TMEM123: variants seen among roughly 807,000 people sequenced by gnomAD.
TMEM123 encodes porimin.
In TMEM123, 16 loss-of-function variants were observed where a neutral mutation model predicts 19.7. The observed-to-expected ratio is 0.81, with a 90% confidence interval of 0.55 to 1.23. The LOEUF is 1.23. Ranked by LOEUF, TMEM123 falls within the 50% of genes most tolerant of loss-of-function variation. The pLI is 0.00. For missense variants in TMEM123, 313 were observed against 257.8 expected, an observed-to-expected ratio of 1.21 and a Z score of -1.47; for synonymous variants, 118 against 99.4, an observed-to-expected ratio of 1.19 and a Z score of -1.12.
chr11:102,433,238 G>C (rs1388122936), intron 2 of TMEM123, among the ~76,000 whole-genome samples: 1 of 151,992 alleles, frequency 6.6e-6, no homozygotes, highest in African/African-American at 2.4e-5. Flanking sequence ...GCTAGTGACA[G>C]CATCTGGGAA....
At chr11:102,432,681 T>C (rs1182638774) in intron 2 of TMEM123, among the ~76,000 whole-genome samples, 1 of 152,106 alleles carries the variant, frequency 6.6e-6, no homozygotes, top group Non-Finnish European at 1.5e-5. Context: ...ATGGGGAAAA[T>C]GTCTCCAGGG....
At chr11:102,439,327 C>A (rs1427685772) in intron 2 of TMEM123, among the ~76,000 whole-genome samples, 1 of 151,810 alleles carries the variant, frequency 6.6e-6, no homozygotes, top group Non-Finnish European at 1.5e-5. Flanking sequence ...AGAAGCCTAA[C>A]TGGGAGACAC....
chr11:102,448,157 T>G, intron 2 of TMEM123: 2 of 448,140 alleles, frequency 4.5e-6, no homozygotes. Flanking sequence ...GTGTACCTTT[T>G]TCTAGTTTCC....
At chr11:102,402,997 G>C (rs1193266050) in intron 2 of TMEM123, among the ~76,000 whole-genome samples, 2 of 152,090 alleles carry the variant, frequency 1.3e-5, no homozygotes, top group African/African-American at 4.8e-5. Flanking sequence ...TACAGATCTT[G>C]TTAATGCTCC....
At chr11:102,416,607 T>A (rs1303544451) in intron 2 of TMEM123, among the ~76,000 whole-genome samples, 1 of 152,012 alleles carries the variant, frequency 6.6e-6, no homozygotes, top group African/African-American at 2.4e-5. Flanking sequence ...TATAAAATTA[T>A]TCCAAAAAAT....
chr11:102,412,489 T>G (rs188465761), intron 2 of TMEM123, among the ~76,000 whole-genome samples: 20 of 152,252 alleles, frequency 1.3e-4, no homozygotes, highest in Admixed American at 1.2e-3. Context: ...AGACTGGATT[T>G]AACTGTTTAT....
intron 4 of TMEM123, among the ~76,000 whole-genome samples, chr11:102,399,970 C>CA (rs11287064): frequency 6.8e-6 from 1 of 147,540 alleles, no homozygotes; most frequent in Non-Finnish European, 1.5e-5. Flanking sequence ...AACTCCATCT[C>CA]AAAAAAAAAA....
intron 2 of TMEM123, among the ~76,000 whole-genome samples, chr11:102,406,836 A>T (rs962462472): frequency 6.7e-6 from 1 of 149,250 alleles, no homozygotes; most frequent in East Asian, 2.0e-4. Context: ...GCGCCACTGC[A>T]CTCCAGCCTG....
intron 2 of TMEM123, among the ~76,000 whole-genome samples, chr11:102,443,705 T>G (rs1052472169): frequency 3.3e-5 from 5 of 152,126 alleles, no homozygotes; most frequent in African/African-American, 1.2e-4. Context: ...TGGGATCTAA[T>G]TAAACTGAAG....
chr11:102,435,732 T>C (rs979944882), intron 2 of TMEM123, among the ~76,000 whole-genome samples: 1 of 151,816 alleles, frequency 6.6e-6, no homozygotes, highest in Non-Finnish European at 1.5e-5. Context: ...ATAGCGTGAA[T>C]TGTGTGGCCA....
intron 2 of TMEM123, among the ~76,000 whole-genome samples, chr11:102,414,930 T>A (rs1027183026): frequency 2.6e-5 from 4 of 152,110 alleles, no homozygotes; most frequent in Non-Finnish European, 4.4e-5. Context: ...CAAAACCTAA[T>A]CGTAAGCTAG....
chr11:102,439,888 A>G (rs559189508), intron 2 of TMEM123, among the ~76,000 whole-genome samples: 1 of 152,264 alleles, frequency 6.6e-6, no homozygotes, highest in Non-Finnish European at 1.5e-5. Flanking sequence ...ACCATGGTGC[A>G]AGAACTACGT....
At chr11:102,409,420 C>G (rs1951983386) in intron 2 of TMEM123, among the ~76,000 whole-genome samples, 1 of 152,120 alleles carries the variant, frequency 6.6e-6, no homozygotes, top group African/African-American at 2.4e-5. Flanking sequence ...CAGTGTAATT[C>G]CAGAAACATT....
At chr11:102,406,220 A>T (rs1951954589) in intron 2 of TMEM123, among the ~76,000 whole-genome samples, 1 of 152,178 alleles carries the variant, frequency 6.6e-6, no homozygotes, top group African/African-American at 2.4e-5. Context: ...AAGGTTGAAG[A>T]ATCTGAGGCG....
At position 102,438,674 on chromosome 11, in the gene TMEM123, C is replaced by A. The variant is rs1359065425; in HGVS notation, c.157+10138G>T. On this transcript the variant is annotated intron_variant, in intron 2 of 4. Transcript: ENST00000398136. The stretch of plus-strand genomic sequence containing the variant: ...TCCAGTCTACAGCTTCCAGTGTGAG[C>A]AATGCAGAAGATAGGTGGATTTCTG... Among the ~76,000 whole-genome samples, 4 of 152,214 alleles carry A rather than the reference C, an allele frequency of 2.6e-5. No homozygotes were observed. The East Asian group carries it at 7.7e-4, about 29-fold the overall frequency.
chr11:102,443,710 C>A (rs1293449220), intron 2 of TMEM123, among the ~76,000 whole-genome samples: 1 of 152,152 alleles, frequency 6.6e-6, no homozygotes, highest in Admixed American at 6.5e-5. Flanking sequence ...TCTAATTAAA[C>A]TGAAGAGCTT....
At chr11:102,424,889 C>T (rs1818151234) in intron 2 of TMEM123, among the ~76,000 whole-genome samples, 1 of 152,194 alleles carries the variant, frequency 6.6e-6, no homozygotes, top group African/African-American at 2.4e-5. Flanking sequence ...CAATGCTGTA[C>T]TGATTGCATG....
intron 2 of TMEM123, among the ~76,000 whole-genome samples, chr11:102,429,647 C>A (rs1261119392): frequency 6.6e-6 from 1 of 152,162 alleles, no homozygotes; most frequent in East Asian, 1.9e-4. Flanking sequence ...ATTTTCAGTG[C>A]AAAAGTAAAC....
At chr11:102,421,613 CATT>C (rs1952087876) in intron 2 of TMEM123, among the ~76,000 whole-genome samples, 1 of 151,858 alleles carries the variant, frequency 6.6e-6, no homozygotes, top group Non-Finnish European at 1.5e-5. Context: ...AATTTTAATT[CATT>C]GTGTAAAGGC....
Sources: gnomAD v4.1 joint callset for allele counts (sites outside exome capture counted in the v4.1 genomes callset) on GRCh38, gnomAD v4.1.1 for gene constraint, MANE v1.5 for transcripts, NCBI Gene and HGNC (gene_info 2026-07-23, HGNC 2026-07-21) for gene names.